UTY: variants seen among roughly 807,000 people sequenced by gnomAD.
UTY encodes the protein histone demethylase UTY.
UTY carries 12 observed loss-of-function variants against 32.5 expected under a neutral mutation model. The observed-to-expected ratio is 0.37, with a 90% CI of 0.24 to 0.60. UTY has a LOEUF of 0.60. Ranked by LOEUF, UTY falls within the 20% of genes least tolerant of loss-of-function variation. The pLI, the probability that UTY is intolerant of heterozygous loss-of-function variation, is 0.69. For synonymous variants in UTY, 131 were observed against 103.4 expected (o/e 1.27, Z -1.62); for missense variants, 303 against 299.2 (o/e 1.01, Z -0.09).
exon 29 of UTY, chrY:13,234,610 A>C: frequency 7.4e-6 from 1 of 135,119 alleles, no homozygotes; most frequent in Non-Finnish European, 1.6e-5. Flanking sequence ...AGCTTTATTG[A>C]GTGACAGAAT....
intron 27 of UTY, among the ~76,000 whole-genome samples, chrY:13,265,363 C>T (rs779313183): frequency 1.2e-4 from 4 of 33,955 alleles, no homozygotes; most frequent in South Asian, 1.3e-3. Context: ...GTTGATTCTT[C>T]CTATCCATGA....
At chrY:13,250,385 A>G (rs2054058712) in intron 29 of UTY, among the ~76,000 whole-genome samples, 1 of 34,055 alleles carries the variant, frequency 2.9e-5, no homozygotes, top group Non-Finnish European at 7.3e-5. Flanking sequence ...ATTTTTCATC[A>G]TTTAGTGAAC....
In UTY at chrY:13,299,055, C is replaced by A; in HGVS notation, c.3770G>T (p.Arg1257Leu). 7 of 396,212 alleles carry A rather than the reference C, an allele frequency of 1.8e-5. No homozygotes were observed. Among genetic ancestry groups the A allele is most frequent in the Non-Finnish European group, 2.5e-5 (7 of 282,176 alleles). ...ATTTATCCAGACCAAATCTCCAGGT[C>A]GCTGAATAAATCTATACACAGGGAC... is the stretch of plus-strand genomic sequence containing the variant. ...ANVPVYRFIQ[R>L]PGDLVWINAG... Residue 1257 changes from arginine (R) to leucine (L), a missense_variant, in exon 26 of 30, where the codon CGA (arginine) becomes CTA (leucine). Physicochemically the swap from Arg to Leu is moderately radical, Grantham distance 102. Coordinates refer to ENST00000545955, the MANE Select transcript of UTY (RefSeq NM_001258249.2).
At chrY:13,334,036 CAA>C in intron 18 of UTY, among the ~76,000 whole-genome samples, 1 of 33,585 alleles carries the variant, frequency 3.0e-5, no homozygotes, top group Non-Finnish European at 7.4e-5. Flanking sequence ...TGATTGAGCA[CAA>C]AAGAGATTCA....
chrY:13,352,380 C>T (rs2062478935), intron 17 of UTY, among the ~76,000 whole-genome samples: 1 of 33,221 alleles, frequency 3.0e-5, no homozygotes, highest in Non-Finnish European at 7.4e-5. Context: ...GCAACCTCAG[C>T]TTACTGCAGC....
At chrY:13,465,884 T>C (rs974194966) in intron 3 of UTY, among the ~76,000 whole-genome samples, 3 of 32,958 alleles carry the variant, frequency 9.1e-5, no homozygotes, top group South Asian at 6.8e-4. Flanking sequence ...TGGAAGGCAG[T>C]TGGGAAAAAA....
chrY:13,253,457 C>T, intron 28 of UTY, among the ~76,000 whole-genome samples: 1 of 32,964 alleles, frequency 3.0e-5, no homozygotes, highest in Non-Finnish European at 7.4e-5. Context: ...CTTGAGCAAC[C>T]GCTCTTAGTT....
At chrY:13,340,520 A>G in intron 17 of UTY, among the ~76,000 whole-genome samples, 1 of 33,187 alleles carries the variant, frequency 3.0e-5, no homozygotes, top group African/African-American at 1.2e-4. Context: ...CTGAAAAGCC[A>G]AGGGAGAAAC....
At chrY:13,294,504 C>CA (rs2057917206) in intron 27 of UTY, among the ~76,000 whole-genome samples, 1 of 34,151 alleles carries the variant, frequency 2.9e-5, no homozygotes, top group African/African-American at 1.1e-4. Flanking sequence ...TAGAAGAACA[C>CA]AGAGAAAAAC....
rs1483671105 is a variant in UTY at position 13,324,593 on chromosome Y, A to T, written c.3070+8T>A. On this transcript the variant is annotated splice_region_variant and intron_variant, in intron 20 of 29. Coordinates refer to ENST00000545955, the MANE Select transcript of UTY (RefSeq NM_001258249.2). ...AAAATATATATTCAATCTTGGTTTT[A>T]AGCTTACCTAATTTAAGAGCTCCAG... The T allele has an allele frequency of 5.1e-6, 2 of 388,378 alleles. No individual in the cohort carries two copies. The highest frequency in any genetic ancestry group is 1.3e-4 in the African/African-American group (2 of 15,535).
At chrY:13,251,411 T>C in intron 28 of UTY, among the ~76,000 whole-genome samples, 1 of 33,815 alleles carries the variant, frequency 3.0e-5, no homozygotes, top group Admixed American at 2.7e-4. Context: ...TATTTAGAGA[T>C]TGTCTTTAAA....
intron 4 of UTY, among the ~76,000 whole-genome samples, chrY:13,424,759 C>A: frequency 9.0e-5 from 3 of 33,210 alleles, no homozygotes; most frequent in Non-Finnish European, 2.2e-4. Context: ...TGCCTAGGCC[C>A]AGGAGTTCAA....
Position 13,449,002 on chromosome Y carries a change from A to T in UTY, c.375+15T>A. The T allele has an allele frequency of 2.6e-6, 1 of 382,059 alleles. No individual in the cohort carries two copies. Among genetic ancestry groups the T allele is most frequent in the African/African-American group, 6.2e-5 (1 of 16,010 alleles). ...ATAAAGGAAATAAAAACTGGCATTG[A>T]AAATTTGTACCAACCTTCCAGTAGT... On this transcript the variant is annotated intron_variant, in intron 4 of 29. Transcript: ENST00000545955.
chrY:13,303,961 T>A, intron 24 of UTY, among the ~76,000 whole-genome samples: 1 of 33,060 alleles, frequency 3.0e-5, no homozygotes, highest in African/African-American at 1.2e-4. Context: ...AAACAGAGAC[T>A]GAATATCCTC....
intron 17 of UTY, among the ~76,000 whole-genome samples, chrY:13,350,816 G>C (rs2062341376): frequency 3.0e-5 from 1 of 33,140 alleles, no homozygotes; most frequent in Admixed American, 2.8e-4. Context: ...TCCCTGTCCT[G>C]TTCTGTTCCA....
At chrY:13,333,098 A>C (rs768631342) in intron 18 of UTY, among the ~76,000 whole-genome samples, 1 of 33,575 alleles carries the variant, frequency 3.0e-5, no homozygotes. Context: ...AACAAATGGA[A>C]AAACAGTCCA....
intron 4 of UTY, among the ~76,000 whole-genome samples, chrY:13,435,387 T>C: frequency 3.0e-5 from 1 of 33,285 alleles, no homozygotes; most frequent in African/African-American, 1.2e-4. Context: ...CTGTCGTTCC[T>C]GTTTTCCCTT....
Position 13,470,222 on chromosome Y carries a change from C to T in UTY, c.224G>A (p.Arg75His). 2.6e-6 allele frequency: 1 copy of T among 391,749 alleles called. No individual in the cohort carries two copies. The highest frequency in any genetic ancestry group is 3.6e-6 in the Non-Finnish European group (1 of 279,807). Reference sequence around the variant, plus strand: ...TTTTAAGATTAAAGATTCGTAGCAGCGAACAGCCTAGAAATAAAAATTATA... The same window carrying T: ...TTTTAAGATTAAAGATTCGTAGCAGTGAACAGCCTAGAAATAAAAATTATA... ...RTKTLLGKAV[R>H]CYESLILKAE... The change falls in exon 3 of 30, where the codon CGC becomes CAC. Residue 75 changes from arginine to histidine, a missense_variant. Physicochemically the swap from Arg to His is conservative, Grantham distance 29. Transcript: ENST00000545955.
chrY:13,306,158 T>C, intron 22 of UTY, 28 bp downstream of exon 22: 1 of 392,817 alleles, frequency 2.5e-6, no homozygotes, highest in Non-Finnish European at 3.6e-6. Flanking sequence ...TAGACAGAAA[T>C]GTTGAGTGGG....
Sources: allele counts gnomAD v4.1 joint callset (sites outside exome capture counted in the v4.1 genomes callset), GRCh38; gene constraint gnomAD v4.1.1; transcripts MANE v1.5; gene names NCBI Gene and HGNC (gene_info 2026-07-23, HGNC 2026-07-21).